MMP1: variants seen among roughly 807,000 people sequenced by gnomAD.
MMP1 encodes interstitial collagenase.
In MMP1, 51 loss-of-function variants were observed where a neutral mutation model predicts 49.6. That is an observed-to-expected ratio of 1.03 (90% CI 0.82 to 1.30). MMP1 has a LOEUF of 1.30. MMP1 is among the 50% of genes most tolerant of loss of function. The probability of loss-of-function intolerance (pLI) is 0.00; values close to 1 mark genes in which losing one functional copy is unlikely to be tolerated. For synonymous variants in MMP1, 230 were observed against 196.8 expected (o/e 1.17, Z -1.41); for missense variants, 623 against 568.7 (o/e 1.10, Z -0.97).
chr11:102,797,948 T>A, intron 1 of MMP1, 40 bp downstream of exon 1: 1 of 1,455,434 alleles, frequency 6.9e-7, no homozygotes, highest in Non-Finnish European at 9.5e-7. Flanking sequence ...AAATACAAAC[T>A]AAAAATTTAC....
At chr11:102,791,258 C>T in intron 8 of MMP1, 75 bp downstream of exon 8, 4 of 1,539,896 alleles carry the variant, frequency 2.6e-6, no homozygotes. Context: ...TTGAGACTCA[C>T]TTTGAAATGG....
At position 102,797,114 on chromosome 11, in the gene MMP1, G is replaced by T; in HGVS notation, c.399C>A (p.Ala133=). ...TCCAGAGTTGGAAGGCTTTCTCAAT[G>T]GCATGGTCCACATCTGCTCTTGGCA... ...PDLPRADVDH[A]IEKAFQLWSN... Residue 133 remains alanine, a synonymous_variant, in exon 3 of 10, where the codon GCC becomes GCA. Coordinates refer to ENST00000315274, the MANE Select transcript of MMP1 (RefSeq NM_002421.4). The T allele has an allele frequency of 6.2e-7, 1 of 1,614,160 alleles. No individual in the cohort carries two copies. Among genetic ancestry groups the T allele is most frequent in the Non-Finnish European group, 8.5e-7 (1 of 1,180,024 alleles).
rs901142750 is a variant in MMP1 at position 102,792,793 on chromosome 11, A to G, written c.900-55T>C. 8.4e-5 allele frequency: 129 copies of G among 1,539,050 alleles called. 2 individuals carry two copies. The highest frequency in any genetic ancestry group is 6.8e-4 in the Middle Eastern group (4 of 5,904). On this transcript the variant is annotated intron_variant, in intron 6 of 9. Coordinates refer to ENST00000315274, the MANE Select transcript of MMP1 (RefSeq NM_002421.4). ...CATCTAATTTCTGGTAATCTCTGGC[A>G]GATATCCAGCTCCAGCTCCTTCTTG...
chr11:102,798,086 T>C lies in MMP1; in HGVS notation c.7A>G (p.Ser3Gly), dbSNP rs147429731. 23 of 1,609,136 alleles carry C rather than the reference T, an allele frequency of 1.4e-5. No homozygotes were observed. The South Asian group carries it at 2.2e-4, about 15-fold the overall frequency. Residue 3 changes from serine (S) to glycine (G), a missense_variant, in exon 1 of 10, where the codon AGC becomes GGC. Transcript: ENST00000315274. ...AGCAGCAGCAGCAGTGGAGGAAAGC[T>C]GTGCATACTGGCCTTTGTCTTCTTT... The part of the protein sequence containing the change: MH[S>G]FPPLLLLLFW...
intron 9 of MMP1, 89 bp from the exon 10 acceptor site, chr11:102,790,610 C>T: frequency 7.6e-7 from 1 of 1,319,206 alleles, no homozygotes; most frequent in Non-Finnish European, 1.1e-6. Flanking sequence ...CATCTGTGAG[C>T]ACAGATATTT....
chr11:102,797,175 C>T lies in MMP1; in HGVS notation c.351-13G>A. On this transcript the variant is annotated splice_polypyrimidine_tract_variant and intron_variant, in intron 2 of 9. Transcript: ENST00000315274. The stretch of plus-strand genomic sequence containing the variant: ...GTAATTTTCAATCCTTAGAATGAAA[C>T]AAAATAGAGACACATTGGACATGAC... 3.1e-6 allele frequency: 5 copies of T among 1,613,794 alleles called. No individual in the cohort carries two copies. Among genetic ancestry groups the T allele is most frequent in the Non-Finnish European group, 8.5e-7 (1 of 1,179,808 alleles).
chr11:102,797,431 G>A lies in MMP1; in HGVS notation c.175C>T (p.Pro59Ser), dbSNP rs370346234. The change falls in exon 2 of 10, where the codon CCA becomes TCA. Residue 59 changes from proline (P) to serine (S), a missense_variant. By Grantham distance (74) the Pro-to-Ser change is moderately conservative. Transcript: ENST00000315274. The part of the protein sequence containing the change: ...RQVEKRRNSG[P>S]VVEKLKQMQE... ...ATTTGCTTCAATTTTTCAACCACTG[G>A]GCCACTATTTCTCCGCTTTTCAACT... is the stretch of plus-strand genomic sequence containing the variant. 22 of 1,613,996 alleles carry A rather than the reference G, an allele frequency of 1.4e-5. No individual in the cohort carries two copies. The South Asian group carries it at 1.9e-4, about 14-fold the overall frequency.
rs769954966 is a variant in MMP1 at position 102,798,037 on chromosome 11, C to T, written c.56G>A (p.Ser19Asn). The change falls in exon 1 of 10, where the codon AGC becomes AAC. Residue 19 changes from serine to asparagine, a missense_variant. Physicochemically the swap from Ser to Asn is conservative, Grantham distance 46. Transcript: ENST00000315274. The stretch of plus-strand genomic sequence containing the variant: ...TTGTGTTTCTAGAGTCGCTGGGAAG[C>T]TGTGAGACACCACACCCCAGAACAG... ...LLLFWGVVSH[S>N]FPATLETQEQ... The T allele has an allele frequency of 8.7e-6, 14 of 1,613,564 alleles. No individual in the cohort carries two copies. In the South Asian group the frequency reaches 1.5e-4, roughly 18 times the overall value.
At chr11:102,790,568 T>C (rs1163194847) in intron 9 of MMP1, 47 bp from the exon 10 acceptor site, 3 of 1,395,840 alleles carry the variant, frequency 2.1e-6, no homozygotes, top group African/African-American at 2.9e-5. Context: ...AAGTAGTTTC[T>C]AGGTTTAACT....
rs488178 is a variant in MMP1 at position 102,794,953 on chromosome 11, A to T, written c.899+221T>A. Among the ~76,000 whole-genome samples, 132,026 of 152,260 alleles carry T rather than the reference A, an allele frequency of 0.87. 57,316 individuals carry two copies. The highest frequency in any genetic ancestry group is 0.89 in the Middle Eastern group (263 of 294). On this transcript the variant is annotated intron_variant, in intron 6 of 9. Coordinates refer to ENST00000315274, the MANE Select transcript of MMP1 (RefSeq NM_002421.4). This position sits in a 1 kb window ranked among gnomAD's most constrained non-coding sequence, Gnocchi z 4.3. ...AAAAAGATCATACATACTGATTTTC[A>T]AAATCAACTATATTTTCTGAGAATC...
At position 102,790,477 on chromosome 11, in the gene MMP1, G is replaced by C. The variant is rs1248439303; in HGVS notation, c.1345C>G (p.Pro449Ala). The C allele has an allele frequency of 6.2e-7, 1 of 1,610,358 alleles. No individual in the cohort carries two copies. Among genetic ancestry groups the C allele is most frequent in the African/African-American group, 1.3e-5 (1 of 74,870 alleles). Reference sequence around the variant, plus strand: ...AGAGTCAAAATTCTCTTCGTTTTAGGATCAAATTTGTATTGTCTTGTTCCA... The same window carrying C: ...AGAGTCAAAATTCTCTTCGTTTTAGCATCAAATTTGTATTGTCTTGTTCCA... ...FHGTRQYKFDPKTKRILTLQK... is the reference protein window; with the variant it reads ...FHGTRQYKFDAKTKRILTLQK... The change falls in exon 10 of 10, where the codon CCT (proline) becomes GCT (alanine). Residue 449 changes from proline (P) to alanine (A), a missense_variant. Transcript: ENST00000315274.
In MMP1 at chr11:102,795,004, C is replaced by T. The variant is rs558605360; in HGVS notation, c.899+170G>A. 155 of 614,836 alleles carry T rather than the reference C, an allele frequency of 2.5e-4. 3 individuals are homozygous for T. The South Asian group carries it at 3.1e-3, about 12-fold the overall frequency. 38.1% of individuals were successfully genotyped at this position (614,836 alleles called of 1,614,324 possible). ...AGTTGACCTAATACATGTAGAAAAA[C>T]AAAGTTGTTACAAGTACATTATGTT... is the stretch of plus-strand genomic sequence containing the variant. On this transcript the variant is annotated intron_variant, in intron 6 of 9. Transcript: ENST00000315274.
chr11:102,793,649 A>G (rs1591079427), intron 6 of MMP1, among the ~76,000 whole-genome samples: 1 of 152,160 alleles, frequency 6.6e-6, no homozygotes. Flanking sequence ...TGAGAAATTG[A>G]GGTTGGGGAG....
chr11:102,795,517 C>T lies in MMP1; in HGVS notation c.716G>A (p.Ser239Asn). The T allele has an allele frequency of 6.2e-7, 1 of 1,614,030 alleles. No homozygotes were observed. The change falls in exon 5 of 10, where the codon AGC (serine) becomes AAC (asparagine). Residue 239 changes from serine (S) to asparagine (N), a missense_variant. By Grantham distance (46) the Ser-to-Asn change is conservative (BLOSUM62 1). Coordinates refer to ENST00000315274, the MANE Select transcript of MMP1 (RefSeq NM_002421.4). ...STDIGALMYP[S>N]YTFSGDVQLA... ...CTGAACATCACCACTGAAGGTGTAG[C>T]TAGGGTACATCAAAGCCCCGATATC...
Position 102,790,270 on chromosome 11 carries a change from A to T in MMP1, c.*142T>A, listed in dbSNP as rs2134360055. The T allele has an allele frequency of 5.7e-6, 3 of 530,372 alleles. No homozygotes were observed. The highest frequency in any genetic ancestry group is 3.6e-5 in the Admixed American group (1 of 27,518). 32.9% of individuals were successfully genotyped at this position (530,372 alleles called of 1,614,324 possible). ...GCTACATTCTAAATAGTAAAAAAAT[A>T]TGCAAACTGAGGTATAAATAAGATT... On this transcript the variant is annotated 3_prime_UTR_variant, in exon 10 of 10. Coordinates refer to ENST00000315274, the MANE Select transcript of MMP1 (RefSeq NM_002421.4).
rs747080313 is a variant in MMP1, at chr11:102,792,727, C to A, written c.911G>T (p.Arg304Leu). The A allele has an allele frequency of 6.2e-7, 1 of 1,611,874 alleles. No homozygotes were observed. The highest frequency in any genetic ancestry group is 8.5e-7 in the Non-Finnish European group (1 of 1,178,982). Reference sequence around the variant, plus strand: ...AACTTCCGGGTAGAAGGGATTTGTGCGCATGTAGAATCTGATTAGAAAAAA... The same window carrying A: ...AACTTCCGGGTAGAAGGGATTTGTGAGCATGTAGAATCTGATTAGAAAAAA... Reference protein sequence around the residue: ...VMFFKDRFYMRTNPFYPEVEL... With the variant: ...VMFFKDRFYMLTNPFYPEVEL... The change falls in exon 7 of 10, where the codon CGC (arginine) becomes CTC (leucine). Residue 304 changes from arginine to leucine, a missense_variant. Coordinates refer to ENST00000315274, the MANE Select transcript of MMP1 (RefSeq NM_002421.4).
intron 5 of MMP1, 76 bp downstream of exon 5, chr11:102,795,376 C>T (rs894555699): frequency 1.1e-5 from 17 of 1,601,314 alleles, no homozygotes; most frequent in African/African-American, 2.7e-5. Flanking sequence ...TCAAGGATAT[C>T]GCTAATGGCT....
chr11:102,790,725 A>G lies in MMP1; in HGVS notation c.1278T>C (p.Val426=), dbSNP rs147162223. 4.1e-5 allele frequency: 66 copies of G among 1,612,270 alleles called. No individual in the cohort carries two copies. In the East Asian group the frequency reaches 1.4e-3, roughly 35 times the overall value. The change falls in exon 9 of 10, where the codon GTT becomes GTC. Residue 426 remains valine, a synonymous_variant. Coordinates refer to ENST00000315274, the MANE Select transcript of MMP1 (RefSeq NM_002421.4). ...TACCATCTTTCATGAAAACTGCATC[A>G]ACTTTGTGGCCAATTCCAGGAAAGT... is the stretch of plus-strand genomic sequence containing the variant. The part of the protein sequence containing the change: ...AHDFPGIGHK[V]DAVFMKDGFF...
chr11:102,791,281 C>T, intron 8 of MMP1, 52 bp downstream of exon 8: 1 of 1,603,504 alleles, frequency 6.2e-7, no homozygotes, highest in Non-Finnish European at 8.5e-7. Context: ...TATTCTAGAA[C>T]TTTTTATGTA....
Sources: allele counts gnomAD v4.1 joint callset (sites outside exome capture counted in the v4.1 genomes callset), GRCh38; gene constraint gnomAD v4.1.1; non-coding constraint Gnocchi (gnomAD v3.1); transcripts MANE v1.5; gene names NCBI Gene and HGNC (gene_info 2026-07-23, HGNC 2026-07-21).